The following NOVA2 variants were observed in gnomAD, a reference collection of about 807,000 sequenced individuals.
NOVA2 encodes RNA-binding protein Nova-2.
NOVA2 carries 9 observed loss-of-function variants against 22.5 expected under a neutral mutation model. That is an observed-to-expected ratio of 0.40 (90% CI 0.24 to 0.70). The LOEUF is 0.70. Among genes scored for constraint, NOVA2 ranks in the 30% least tolerant of loss-of-function variants. NOVA2 has a pLI of 0.38. For missense variants in NOVA2, 383 were observed against 682.8 expected, an observed-to-expected ratio of 0.56 and a Z score of 4.89; for synonymous variants, 318 against 335.2, an observed-to-expected ratio of 0.95 and a Z score of 0.56.
Position 45,973,304 on chromosome 19 carries a change from G to A in NOVA2, c.48C>T (p.Pro16=), listed in dbSNP as rs1968258652. The A allele has an allele frequency of 2.2e-6, 3 of 1,340,948 alleles. No individual in the cohort carries two copies. The highest frequency in any genetic ancestry group is 2.2e-5 in the South Asian group (1 of 45,222). The allele number at this position is 1,340,948 out of a possible 1,614,324, so 83.1% of individuals were successfully genotyped here. Residue 16 remains proline, a synonymous_variant, in exon 1 of 4, where the codon CCC becomes CCT. Coordinates refer to ENST00000263257, the MANE Select transcript of NOVA2 (RefSeq NM_002516.4). ...PDSRKRPLET[P]PEVVCTKRSN... ...TGCGCTTGGTGCAGACCACCTCGGG[G>A]GGCGTTTCGAGGGGCCTCTTGCGGG...
intron 2 of NOVA2, among the ~76,000 whole-genome samples, chr19:45,957,388 A>C (rs1423877817): frequency 6.6e-6 from 1 of 152,036 alleles, no homozygotes; most frequent in African/African-American, 2.4e-5. Context: ...AAATACAAAA[A>C]ATTAGCTGGG....
intron 2 of NOVA2, among the ~76,000 whole-genome samples, chr19:45,956,796 A>G (rs1968012523): frequency 6.6e-6 from 1 of 152,226 alleles, no homozygotes; most frequent in Admixed American, 6.5e-5. Context: ...TATATGAAGT[A>G]GGCAATATTA....
intron 1 of NOVA2, among the ~76,000 whole-genome samples, chr19:45,970,380 GTTT>G (rs34361192): frequency 1.4e-5 from 2 of 142,570 alleles, no homozygotes; most frequent in African/African-American, 2.6e-5. Flanking sequence ...TTTTTTGTTG[GTTT>G]TTTTTTTTTT....
intron 2 of NOVA2, among the ~76,000 whole-genome samples, chr19:45,958,406 T>G (rs1968038666): frequency 6.7e-6 from 1 of 149,818 alleles, no homozygotes; most frequent in Admixed American, 6.7e-5. Context: ...TGTGTGTGAG[T>G]GGGGTGTGTG....
At chr19:45,966,782 CAGA>C (rs1242132897) in intron 1 of NOVA2, among the ~76,000 whole-genome samples, 2 of 152,128 alleles carry the variant, frequency 1.3e-5, no homozygotes, top group African/African-American at 4.8e-5. Flanking sequence ...GAGGCTGAAG[CAGA>C]AGAATTGCTT....
At chr19:45,958,464 G>A (rs751834801) in intron 2 of NOVA2, among the ~76,000 whole-genome samples, 2 of 148,704 alleles carry the variant, frequency 1.3e-5, no homozygotes, top group East Asian at 2.0e-4. Context: ...GTGTGTAAGC[G>A]TGTGTGTGAG....
In NOVA2 at chr19:45,940,899, T is replaced by A; in HGVS notation, c.443A>T (p.Lys148Met). The change falls in exon 4 of 4, where the codon AAG becomes ATG. Residue 148 changes from lysine (K) to methionine (M), a missense_variant. Physicochemically the swap from Lys to Met is moderately conservative, Grantham distance 95. Coordinates refer to ENST00000263257, the MANE Select transcript of NOVA2 (RefSeq NM_002516.4). ...PNSTAGLIIG[K>M]GGATVKAVME... The stretch of plus-strand genomic sequence containing the variant: ...CACGGCTTTCACCGTGGCGCCTCCC[T>A]TGCCGATGATCAGGCCCGCCGTGCT... The A allele has an allele frequency of 6.2e-7, 1 of 1,605,218 alleles. No individual in the cohort carries two copies. The highest frequency in any genetic ancestry group is 8.5e-7 in the Non-Finnish European group (1 of 1,179,888).
chr19:45,950,530 G>T (rs1479161338), intron 3 of NOVA2, among the ~76,000 whole-genome samples: 1 of 152,200 alleles, frequency 6.6e-6, no homozygotes, highest in East Asian at 1.9e-4. Context: ...TAAGCCAATG[G>T]CAGCTGCCTT....
chr19:45,940,685 G>T lies in NOVA2; in HGVS notation c.657C>A (p.Gly219=). 6.2e-7 allele frequency: 1 copy of T among 1,601,892 alleles called. No homozygotes were observed. Among genetic ancestry groups the T allele is most frequent in the Non-Finnish European group, 8.5e-7 (1 of 1,175,126 alleles). Residue 219 remains glycine, a synonymous_variant, in exon 4 of 4, where the codon GGC becomes GGA. Transcript: ENST00000263257. ...CGGTGGGGTTGGAGTTGGCCACGGG[G>T]CCTGCCACGTTGGCGTAGCTGATGT... is the stretch of plus-strand genomic sequence containing the variant. ...CLNISYANVA[G]PVANSNPTGS... is the part of the protein sequence containing the mutation.
intron 3 of NOVA2, among the ~76,000 whole-genome samples, chr19:45,952,184 A>G (rs1232861682): frequency 6.6e-6 from 1 of 152,230 alleles, no homozygotes; most frequent in Non-Finnish European, 1.5e-5. Context: ...TAATAACAAC[A>G]GAGAACATTT....
At chr19:45,969,716 CTGTT>C (rs1968210822) in intron 1 of NOVA2, among the ~76,000 whole-genome samples, 1 of 151,976 alleles carries the variant, frequency 6.6e-6, no homozygotes, top group African/African-American at 2.4e-5. Context: ...AAGGGGGCCA[CTGTT>C]TGTTATTGTC....
At chr19:45,969,657 G>A (rs2043331) in intron 1 of NOVA2, among the ~76,000 whole-genome samples, 59,677 of 151,624 alleles carry the variant, frequency 0.39, 12,422 homozygotes, top group East Asian at 0.67. Flanking sequence ...AATATAGTCA[G>A]GAGTACAGGG....
chr19:45,953,976 T>A (rs975402867), intron 2 of NOVA2, 30 bp from the exon 3 acceptor site: 1 of 1,610,800 alleles, frequency 6.2e-7, no homozygotes, highest in East Asian at 2.2e-5. Context: ...GAGGGCACAC[T>A]CATGAGACAG....
At chr19:45,968,616 G>A (rs909398492) in intron 1 of NOVA2, among the ~76,000 whole-genome samples, 6 of 151,816 alleles carry the variant, frequency 4.0e-5, no homozygotes, top group African/African-American at 1.2e-4. Flanking sequence ...TGATGATAGC[G>A]ACTGTTTACT....
chr19:45,940,628 C>G lies in NOVA2; in HGVS notation c.714G>C (p.Leu238=), dbSNP rs1047061. The G allele has an allele frequency of 6.8e-7, 1 of 1,473,564 alleles. No homozygotes were observed. The allele number at this position is 1,473,564 out of a possible 1,614,324, so 91.3% of individuals were successfully genotyped here. Residue 238 remains leucine (L), a synonymous_variant, in exon 4 of 4, where the codon CTG becomes CTC. Transcript: ENST00000263257. ...CGGCCGACGCTGCGGCCGCGGCTGG[C>G]AGCACATCCGCGGGGCTGGCGTACG... is the stretch of plus-strand genomic sequence containing the variant. ...GSPYASPADV[L]PAAAAASAAA...
intron 3 of NOVA2, among the ~76,000 whole-genome samples, chr19:45,952,355 A>G (rs1403461871): frequency 1.3e-5 from 2 of 152,260 alleles, no homozygotes; most frequent in Non-Finnish European, 2.9e-5. Context: ...AAGGTCACAT[A>G]GGACGTAAGT....
At chr19:45,958,376 AGT>A (rs35437596) in intron 2 of NOVA2, among the ~76,000 whole-genome samples, 26,919 of 148,940 alleles carry the variant, frequency 0.18, 2,652 homozygotes, top group Admixed American at 0.27. Context: ...TGTGTGTGAG[AGT>A]GTGTGTGTGT....
chr19:45,965,746 GCATTT>G (rs1318850027), intron 1 of NOVA2, among the ~76,000 whole-genome samples: 1 of 151,580 alleles, frequency 6.6e-6, no homozygotes, highest in Non-Finnish European at 1.5e-5. Flanking sequence ...AAAAAAAAGT[GCATTT>G]TGCCACTGAT....
At position 45,941,811 on chromosome 19, in the gene NOVA2, C is replaced by T. The variant is rs138098293; in HGVS notation, c.397-866G>A. 2.8e-3 allele frequency among the ~76,000 whole-genome samples: 420 copies of T among 152,286 alleles called. 2 individuals are homozygous for T. Among genetic ancestry groups the T allele is most frequent in the African/African-American group, 9.6e-3 (399 of 41,548 alleles). On this transcript the variant is annotated intron_variant, in intron 3 of 3. Coordinates refer to ENST00000263257, the MANE Select transcript of NOVA2 (RefSeq NM_002516.4). ...GAATAGCCAGTATTTGAGGTCCCCT[C>T]AGTAGCCCCTCAACCACCCTGTCCC...
Sources: gnomAD v4.1 joint callset for allele counts (sites outside exome capture counted in the v4.1 genomes callset) on GRCh38, gnomAD v4.1.1 for gene constraint, MANE v1.5 for transcripts, NCBI Gene and HGNC (gene_info 2026-07-23, HGNC 2026-07-21) for gene names.